Variants in CSMD3 observed in about 807,000 individuals in gnomAD.
The protein encoded by CSMD3 is CUB and sushi domain-containing protein 3.
Under a neutral mutation model 435.2 loss-of-function variants are expected in CSMD3, and 177 were observed. That is an observed-to-expected ratio of 0.41 (90% confidence interval 0.36 to 0.46). CSMD3 has a LOEUF of 0.46. Among genes scored for constraint, CSMD3 ranks in the 20% least tolerant of loss-of-function variants. The pLI, the probability that CSMD3 is intolerant of heterozygous loss-of-function variation, is 0.34. For synonymous variants in CSMD3, 1,656 were observed against 1,520.5 expected, an observed-to-expected ratio of 1.09 and a Z score of -2.07; for missense variants, 4,265 against 4,504.6, an observed-to-expected ratio of 0.95 and a Z score of 1.52.
At chr8:112,970,771 G>A (rs539178221) in intron 7 of CSMD3, among the ~76,000 whole-genome samples, 10 of 151,180 alleles carry the variant, frequency 6.6e-5, no homozygotes, top group African/African-American at 2.4e-4. Context: ...GCTCAGGCTG[G>A]AGTGCAGTGG....
At chr8:113,029,011 G>A (rs2086980018) in intron 5 of CSMD3, among the ~76,000 whole-genome samples, 1 of 151,610 alleles carries the variant, frequency 6.6e-6, no homozygotes, top group African/African-American at 2.4e-5. Flanking sequence ...TCAATGCCTG[G>A]CTTAAGTTTC....
intron 22 of CSMD3, among the ~76,000 whole-genome samples, chr8:112,599,166 T>A (rs1832062536): frequency 3.0e-5 from 3 of 100,736 alleles, no homozygotes; most frequent in East Asian, 2.4e-4. Flanking sequence ...CTCAAACAAA[T>A]TTAAAAGAAA....
intron 4 of CSMD3, among the ~76,000 whole-genome samples, chr8:113,128,038 T>C (rs894527709): frequency 6.6e-6 from 1 of 152,128 alleles, no homozygotes; most frequent in African/African-American, 2.4e-5. Context: ...CATCACCCAC[T>C]AAGAGAGGTA....
At chr8:112,817,804 T>C (rs2079417109) in intron 12 of CSMD3, among the ~76,000 whole-genome samples, 1 of 152,128 alleles carries the variant, frequency 6.6e-6, no homozygotes, top group Non-Finnish European at 1.5e-5. Flanking sequence ...TAGAAATTTT[T>C]ATCTATATGG....
At chr8:112,468,232 GTATTTTTT>G (rs1818156118) in intron 32 of CSMD3, among the ~76,000 whole-genome samples, 1 of 114,882 alleles carries the variant, frequency 8.7e-6, no homozygotes, top group Admixed American at 9.5e-5. Flanking sequence ...ATTGCCTAAA[GTATTTTTT>G]TTTTTTTTTT....
chr8:112,782,209 C>A (rs922384493), intron 13 of CSMD3, among the ~76,000 whole-genome samples: 1 of 134,584 alleles, frequency 7.4e-6, no homozygotes, highest in Non-Finnish European at 1.6e-5. Flanking sequence ...GAATTAGAAT[C>A]CTACCAAATA....
At chr8:112,976,368 A>T (rs1284047530) in intron 6 of CSMD3, among the ~76,000 whole-genome samples, 1 of 152,134 alleles carries the variant, frequency 6.6e-6, no homozygotes, top group Non-Finnish European at 1.5e-5. Context: ...AATATACCAC[A>T]TTTTAACTGT....
chr8:112,558,431 T>G (rs1794622841), intron 24 of CSMD3, among the ~76,000 whole-genome samples: 1 of 151,904 alleles, frequency 6.6e-6, no homozygotes, highest in African/African-American at 2.4e-5. Flanking sequence ...TTATACCTTT[T>G]ATGTCCAATT....
intron 8 of CSMD3, among the ~76,000 whole-genome samples, chr8:112,949,599 T>C (rs1158306830): frequency 6.6e-6 from 1 of 152,066 alleles, no homozygotes; most frequent in East Asian, 1.9e-4. Flanking sequence ...TACCAAACTT[T>C]CCATTGTCAT....
At chr8:113,011,986 A>G (rs2086271954) in intron 6 of CSMD3, among the ~76,000 whole-genome samples, 1 of 151,838 alleles carries the variant, frequency 6.6e-6, no homozygotes, top group Admixed American at 6.6e-5. Flanking sequence ...ATTGTTTTAA[A>G]AAAGAATTTC....
At chr8:112,831,328 T>C (rs1466149264) in intron 11 of CSMD3, among the ~76,000 whole-genome samples, 3 of 151,296 alleles carry the variant, frequency 2.0e-5, no homozygotes, top group East Asian at 3.9e-4. Flanking sequence ...TTCTTTCTTT[T>C]TTTTTTTTTT....
chr8:112,363,382 T>A (rs1456059432), intron 38 of CSMD3, among the ~76,000 whole-genome samples: 1 of 151,954 alleles, frequency 6.6e-6, no homozygotes, highest in Non-Finnish European at 1.5e-5. Flanking sequence ...TATTTCTGTT[T>A]AAGATCAAGA....
At chr8:112,925,765 A>G (rs2082891109) in intron 9 of CSMD3, among the ~76,000 whole-genome samples, 1 of 152,220 alleles carries the variant, frequency 6.6e-6, no homozygotes, top group African/African-American at 2.4e-5. Context: ...GTTAGCTTAT[A>G]AGATGCCATC....
intron 58 of CSMD3, among the ~76,000 whole-genome samples, chr8:112,283,539 G>C (rs1370451092): frequency 6.6e-6 from 1 of 151,408 alleles, no homozygotes; most frequent in Non-Finnish European, 1.5e-5. Context: ...TCTATGCTTT[G>C]TGTTAGGTAT....
intron 22 of CSMD3, among the ~76,000 whole-genome samples, chr8:112,630,942 T>TCACACACACACACA (rs5894090): frequency 2.8e-5 from 4 of 140,496 alleles, no homozygotes; most frequent in African/African-American, 5.2e-5. Flanking sequence ...ACATCAGTAT[T>TCACACACACACACA]CACACACACA....
At chr8:113,149,326 T>C (rs1350542323) in intron 4 of CSMD3, among the ~76,000 whole-genome samples, 1 of 151,890 alleles carries the variant, frequency 6.6e-6, no homozygotes, top group Non-Finnish European at 1.5e-5. Flanking sequence ...TCTCTGCATC[T>C]GCATCTTTCA....
intron 47 of CSMD3, among the ~76,000 whole-genome samples, chr8:112,315,113 T>C (rs1285286730): frequency 6.6e-6 from 1 of 151,990 alleles, no homozygotes; most frequent in Non-Finnish European, 1.5e-5. Flanking sequence ...ATATCAGGTA[T>C]ATGTTTACCA....
chr8:112,634,243 GA>G (rs533346360), intron 22 of CSMD3, among the ~76,000 whole-genome samples: 96 of 145,072 alleles, frequency 6.6e-4, no homozygotes, highest in South Asian at 1.8e-3. Flanking sequence ...CTAAAATATG[GA>G]AAAAAAAACA....
At chr8:112,480,629 C>G (rs1423516888) in intron 31 of CSMD3, among the ~76,000 whole-genome samples, 1 of 152,102 alleles carries the variant, frequency 6.6e-6, no homozygotes, top group Non-Finnish European at 1.5e-5. Context: ...CCTTCCCCCT[C>G]TCTCTCTTGC....
Sources: allele counts gnomAD v4.1 joint callset (sites outside exome capture counted in the v4.1 genomes callset), GRCh38; gene constraint gnomAD v4.1.1; transcripts MANE v1.5; gene names NCBI Gene and HGNC (gene_info 2026-07-23, HGNC 2026-07-21).